The following FRMD1 variants were observed in gnomAD, a reference collection of about 807,000 sequenced individuals.
The protein encoded by FRMD1 is FERM domain-containing protein 1.
A neutral mutation model predicts 54.9 loss-of-function variants in FRMD1; 51 were observed. The ratio of observed to expected loss-of-function variants is 0.93; its 90% CI spans 0.74 to 1.17. FRMD1 has a LOEUF of 1.17. Among genes scored for constraint, FRMD1 ranks in the 50% most tolerant of loss-of-function variants. The pLI, the probability that FRMD1 is intolerant of heterozygous loss-of-function variation, is 0.00. For missense variants in FRMD1, 729 were observed against 743.0 expected, an observed-to-expected ratio of 0.98 and a Z score of 0.22; for synonymous variants, 324 against 306.4, an observed-to-expected ratio of 1.06 and a Z score of -0.60.
At chr6:168,065,203 G>A (rs993774478) in intron 4 of FRMD1, 146 bp from the exon 5 acceptor site, 11 of 1,422,388 alleles carry the variant, frequency 7.7e-6, no homozygotes, top group Non-Finnish European at 1.0e-5. Flanking sequence ...ACCCACAGCT[G>A]TGTCCCTGCA....
Position 168,066,776 on chromosome 6 carries a change from A to C in FRMD1, c.440T>G (p.Val147Gly), listed in dbSNP as rs1415198430. ...FVAFLRVQHY[V>G]ENGRVISDHR... ...TTACCTTATGACCCTTCCGTTTTCCACGTAGTGCTGCACTCGGAGGAAGGC... is the reference window on the plus strand; with the variant it reads ...TTACCTTATGACCCTTCCGTTTTCCCCGTAGTGCTGCACTCGGAGGAAGGC... Residue 147 changes from valine (V) to glycine (G), a missense_variant, in exon 4 of 11, where the codon GTG becomes GGG. Transcript: ENST00000283309. 1.2e-6 allele frequency: 2 copies of C among 1,613,846 alleles called. No individual in the cohort carries two copies. Among genetic ancestry groups the C allele is most frequent in the Admixed American group, 3.3e-5 (2 of 59,948 alleles).
chr6:168,088,538 G>A (rs1800960763), intron 1 of FRMD1, among the ~76,000 whole-genome samples: 1 of 152,188 alleles, frequency 6.6e-6, no homozygotes, highest in Non-Finnish European at 1.5e-5. Flanking sequence ...CTCAGCTGCT[G>A]CCGCTGTTAA....
chr6:168,057,784 G>A (rs997549162), intron 10 of FRMD1: 14 of 184,422 alleles, frequency 7.6e-5, no homozygotes, highest in African/African-American at 1.4e-4. Flanking sequence ...AGCGGGCAGC[G>A]TCATCGCCCT....
upstream of FRMD1, among the ~76,000 whole-genome samples, chr6:168,083,680 G>A (rs1459987631): frequency 1.3e-5 from 2 of 152,206 alleles, no homozygotes; most frequent in East Asian, 3.9e-4. Context: ...GCCAGTCCCA[G>A]GGAATGGGGC....
upstream of FRMD1, among the ~76,000 whole-genome samples, chr6:168,084,998 C>T (rs753367641): frequency 3.0e-4 from 46 of 152,312 alleles, 1 homozygote; most frequent in Non-Finnish European, 4.1e-4. Flanking sequence ...ACGTGGGTGT[C>T]ACTCCCTCCC....
chr6:168,061,191 G>T, intron 8 of FRMD1, 134 bp from the exon 9 acceptor site: 1 of 870,170 alleles, frequency 1.1e-6, no homozygotes, highest in Non-Finnish European at 1.7e-6. Flanking sequence ...GGGAGACCAG[G>T]CCTGCGGGTA....
chr6:168,064,904 C>A lies in FRMD1; in HGVS notation c.615G>T (p.Arg205Ser). ...GGAAGTAGGAGTGTGGCTCGAAGTACCTCCCGGCATGGGCCGACTCCCGGT... is the reference window on the plus strand; with the variant it reads ...GGAAGTAGGAGTGTGGCTCGAAGTAACTCCCGGCATGGGCCGACTCCCGGT... Reference protein sequence around the residue: ...GEHRESAHAGRYFEPHSYFPQ... With the variant: ...GEHRESAHAGSYFEPHSYFPQ... Residue 205 changes from arginine to serine, a missense_variant, in exon 5 of 11, where the codon AGG becomes AGT. By Grantham distance (110) the Arg-to-Ser change is moderately radical. Coordinates refer to ENST00000283309, the MANE Select transcript of FRMD1 (RefSeq NM_024919.6). The A allele has an allele frequency of 6.3e-7, 1 of 1,591,614 alleles. No homozygotes were observed. The highest frequency in any genetic ancestry group is 8.5e-7 in the Non-Finnish European group (1 of 1,169,702).
Position 168,054,945 on chromosome 6 carries a change from TG to T in FRMD1, c.*2151del, listed in dbSNP as rs893563803. The T allele has an allele frequency of 2.0e-5, 3 of 152,352 alleles. No individual in the cohort carries two copies. The highest frequency in any genetic ancestry group is 7.2e-5 in the African/African-American group (3 of 41,444). 9.4% of individuals were successfully genotyped at this position (152,352 alleles called of 1,614,324 possible). Reference sequence around the variant, plus strand: ...TGTGGCCTGCCTGGCCGTCCCCTCTTGGGCAAGTCTCAGGGCAGCGGGCCTC... The same window carrying T: ...TGTGGCCTGCCTGGCCGTCCCCTCTTGGCAAGTCTCAGGGCAGCGGGCCTC... On this transcript the variant is annotated 3_prime_UTR_variant, in exon 11 of 11. Coordinates refer to ENST00000283309, the MANE Select transcript of FRMD1 (RefSeq NM_024919.6).
At chr6:168,079,953 A>G (rs1348873232), upstream of FRMD1, among the ~76,000 whole-genome samples, 1 of 152,054 alleles carries the variant, frequency 6.6e-6, no homozygotes, top group Admixed American at 6.6e-5. Flanking sequence ...CCCTGGGACC[A>G]CCCAGACCTT....
upstream of FRMD1, chr6:168,081,473 C>T (rs1375519094): frequency 5.2e-6 from 8 of 1,535,494 alleles, no homozygotes; most frequent in Non-Finnish European, 8.7e-7. Flanking sequence ...CCCAGATCTC[C>T]TCATGGCTGA....
At chr6:168,062,670 C>T (rs534659621) in intron 7 of FRMD1, 4 of 1,550,566 alleles carry the variant, frequency 2.6e-6, no homozygotes, top group African/African-American at 2.7e-5. Context: ...CAGACACCCA[C>T]CAGAAATGCC....
chr6:168,081,252 G>A (rs1800821731), upstream of FRMD1: 10 of 1,160,870 alleles, frequency 8.6e-6, no homozygotes, highest in South Asian at 1.3e-4. Context: ...GCACTGAGGG[G>A]ACACCAGAAC....
chr6:168,075,333 C>T lies in FRMD1; in HGVS notation c.216G>A (p.Val72=), dbSNP rs1340591362. ...SREQLRLAVG[V]KATGRELFQQ... ...GGAAAAGCTCGCGGCCAGTAGCCTT[C>T]ACCTGCAAAAGAGGTGGGGAGGGGT... Residue 72 remains valine, a splice_region_variant and synonymous_variant, in exon 2 of 11, where the codon GTG becomes GTA. Coordinates refer to ENST00000283309, the MANE Select transcript of FRMD1 (RefSeq NM_024919.6). 1 of 1,612,424 alleles carries T rather than the reference C, an allele frequency of 6.2e-7. No individual in the cohort carries two copies.
In FRMD1 at chr6:168,060,753, G is replaced by A. The variant is rs774940751; in HGVS notation, c.1342+8C>T. 73 of 1,602,764 alleles carry A rather than the reference G, an allele frequency of 4.6e-5. No individual in the cohort carries two copies. Among genetic ancestry groups the A allele is most frequent in the Non-Finnish European group, 5.2e-5 (61 of 1,172,780 alleles). On this transcript the variant is annotated splice_region_variant and intron_variant, in intron 9 of 10. Transcript: ENST00000283309. ...TCCCTGAGGCCTGGGCATCTCCCTC[G>A]GGCCCACCTTGGCTGTCACCACGTG...
Position 168,065,093 on chromosome 6 carries a change from G to A in FRMD1, c.462-36C>T, listed in dbSNP as rs376497014. 2,007 of 1,571,972 alleles carry A rather than the reference G, an allele frequency of 1.3e-3. 1 individual carries two copies. Among genetic ancestry groups the A allele is most frequent in the Non-Finnish European group, 1.6e-3 (1,834 of 1,156,828 alleles). ...GCAGGGAGTGAGTTCCAGGACGACCGGTGTGGGGACTGCTGGCCCCTCTGG... is the reference window on the plus strand; with the variant it reads ...GCAGGGAGTGAGTTCCAGGACGACCAGTGTGGGGACTGCTGGCCCCTCTGG... On this transcript the variant is annotated intron_variant, in intron 4 of 10. Coordinates refer to ENST00000283309, the MANE Select transcript of FRMD1 (RefSeq NM_024919.6).
chr6:168,061,916 C>G lies in FRMD1; in HGVS notation c.936G>C (p.Gly312=), dbSNP rs1261410469. 6.3e-7 allele frequency: 1 copy of G among 1,599,286 alleles called. No individual in the cohort carries two copies. The highest frequency in any genetic ancestry group is 8.5e-7 in the Non-Finnish European group (1 of 1,174,202). The change falls in exon 8 of 11, where the codon GGG becomes GGC. Residue 312 remains glycine, a synonymous_variant. Coordinates refer to ENST00000283309, the MANE Select transcript of FRMD1 (RefSeq NM_024919.6). ...GCAGGTGCCTGGACCGCCAGGTGCA[C>G]CCCGTGTAGTAAACCAGCTTCTGTG... ...PAAQKLVYYT[G]CTWRSRHLLH...
At chr6:168,072,662 T>C (rs1029515350) in intron 2 of FRMD1, among the ~76,000 whole-genome samples, 3 of 152,346 alleles carry the variant, frequency 2.0e-5, no homozygotes, top group South Asian at 2.1e-4. Context: ...GCCCGGGTTT[T>C]GCGGGCAGCC....
At chr6:168,086,026 CAG>C (rs1800912114), upstream of FRMD1, among the ~76,000 whole-genome samples, 1 of 152,254 alleles carries the variant, frequency 6.6e-6, no homozygotes, top group Non-Finnish European at 1.5e-5. Context: ...ACACATTAAA[CAG>C]AGTGGCCCCG....
intron 1 of FRMD1, among the ~76,000 whole-genome samples, chr6:168,089,974 G>T (rs1389950693): frequency 1.3e-5 from 2 of 152,124 alleles, no homozygotes; most frequent in African/African-American, 4.8e-5. Context: ...CTCAGCACTC[G>T]CAGCCCATCC....
Sources: gnomAD v4.1 joint callset for allele counts (sites outside exome capture counted in the v4.1 genomes callset) on GRCh38, gnomAD v4.1.1 for gene constraint, MANE v1.5 for transcripts, NCBI Gene and HGNC (gene_info 2026-07-23, HGNC 2026-07-21) for gene names.